The following NUDT4 variants were observed in gnomAD, a reference collection of about 807,000 sequenced individuals.
NUDT4 encodes diphosphoinositol polyphosphate phosphohydrolase 2.
NUDT4 carries 5 observed loss-of-function variants against 23.1 expected under a neutral mutation model. The observed-to-expected ratio is 0.22, with a 90% CI of 0.11 to 0.46. The LOEUF (loss-of-function observed/expected upper bound fraction) is 0.46. NUDT4 is among the 20% of genes least tolerant of loss of function. NUDT4 has a pLI of 0.99. For synonymous variants in NUDT4, 50 were observed against 79.0 expected (o/e 0.63, Z 1.95); for missense variants, 96 against 211.6 (o/e 0.45, Z 3.39).
Position 93,402,747 on chromosome 12 carries a change from TCTTGA to T in NUDT4, c.*3372_*3376del, listed in dbSNP as rs1195806409. The T allele has an allele frequency of 6.6e-6, 1 of 152,170 alleles. No individual in the cohort carries two copies. The highest frequency in any genetic ancestry group is 1.5e-5 in the Non-Finnish European group (1 of 68,038). 9.4% of individuals were successfully genotyped at this position (152,170 alleles called of 1,614,324 possible). ...TGTCATTATTTTAATGAATGTGAGC[TCTTGA>T]CTTACTCTAGAATTCTAATACAGAT... On this transcript the variant is annotated 3_prime_UTR_variant, in exon 5 of 5. Coordinates refer to ENST00000415493, the MANE Select transcript of NUDT4 (RefSeq NM_019094.6).
Position 93,378,432 on chromosome 12 carries a change from C to T in NUDT4, c.99+11C>T. 1.3e-6 allele frequency: 2 copies of T among 1,541,736 alleles called. No individual in the cohort carries two copies. The highest frequency in any genetic ancestry group is 1.2e-5 in the South Asian group (1 of 83,040). On this transcript the variant is annotated intron_variant, in intron 1 of 4. Coordinates refer to ENST00000415493, the MANE Select transcript of NUDT4 (RefSeq NM_019094.6). Reference sequence around the variant, plus strand: ...GAGCAGGAGGACGAGGTAGGGCGCCCGGCGCCGCACGCTGCCCTCCGGGGC... The same window carrying T: ...GAGCAGGAGGACGAGGTAGGGCGCCTGGCGCCGCACGCTGCCCTCCGGGGC...
At chr12:93,393,275 T>C (rs35034534) in intron 1 of NUDT4, among the ~76,000 whole-genome samples, 7,047 of 149,984 alleles carry the variant, frequency 0.047, 178 homozygotes, top group Non-Finnish European at 0.065. Flanking sequence ...CTAATTTTTG[T>C]ATTTTTAGTA....
In NUDT4 at chr12:93,400,212, T is replaced by A. The variant is rs1213545889; in HGVS notation, c.*833T>A. ...TTTGCAGAATACCTTAGAACCGTTA[T>A]TTCCCTCAGTGTAGATTGCTCTTAA... On this transcript the variant is annotated 3_prime_UTR_variant, in exon 5 of 5. Coordinates refer to ENST00000415493, the MANE Select transcript of NUDT4 (RefSeq NM_019094.6). The A allele has an allele frequency of 1.2e-4, 18 of 152,188 alleles. No individual in the cohort carries two copies. The highest frequency in any genetic ancestry group is 4.3e-4 in the African/African-American group (18 of 41,500). 9.4% of individuals were successfully genotyped at this position (152,188 alleles called of 1,614,324 possible).
chr12:93,385,157 T>A (rs1281891993), intron 1 of NUDT4: 1 of 152,194 alleles, frequency 6.6e-6, no homozygotes, highest in Non-Finnish European at 1.5e-5. Flanking sequence ...TCTTCAGCAG[T>A]GCCAGGTGAG....
At chr12:93,392,764 C>T (rs1240372193) in intron 1 of NUDT4, among the ~76,000 whole-genome samples, 7 of 124,888 alleles carry the variant, frequency 5.6e-5, no homozygotes, top group Admixed American at 1.7e-4. Context: ...CTGCAACCTC[C>T]GCCTCCCAGG....
chr12:93,390,078 C>T (rs551215210), intron 1 of NUDT4, among the ~76,000 whole-genome samples: 1 of 152,246 alleles, frequency 6.6e-6, no homozygotes, highest in East Asian at 1.9e-4. Flanking sequence ...AGGACTGCAA[C>T]ATTTTGAATA....
chr12:93,383,543 C>G (rs1449853693), intron 1 of NUDT4, among the ~76,000 whole-genome samples: 1 of 152,298 alleles, frequency 6.6e-6, no homozygotes, highest in South Asian at 2.1e-4. Flanking sequence ...GAAACAGTTT[C>G]TGAGTAGGCC....
rs1045495574 is a variant in NUDT4, at chr12:93,379,583, T to G, written c.99+1162T>G. 3.4e-5 allele frequency among the ~76,000 whole-genome samples: 4 copies of G among 117,472 alleles called. No individual in the cohort carries two copies. In the Admixed American group the frequency reaches 3.6e-4, roughly 10 times the overall value. 77.1% of individuals were successfully genotyped at this position (117,472 alleles called of 152,430 possible). On this transcript the variant is annotated intron_variant, in intron 1 of 4. Coordinates refer to ENST00000415493, the MANE Select transcript of NUDT4 (RefSeq NM_019094.6). ...CCTTCAAACCCTTGTTTTGCCTTTATTTTTTTTTGAAAAGAAACCAAGCCC... is the reference window on the plus strand; with the variant it reads ...CCTTCAAACCCTTGTTTTGCCTTTAGTTTTTTTTGAAAAGAAACCAAGCCC...
At chr12:93,387,477 A>G (rs983432655) in intron 1 of NUDT4, among the ~76,000 whole-genome samples, 1 of 152,150 alleles carries the variant, frequency 6.6e-6, no homozygotes, top group Non-Finnish European at 1.5e-5. Flanking sequence ...CAGGCTTTTT[A>G]ACTTGGTGAA....
At chr12:93,387,594 G>A (rs964254331) in intron 1 of NUDT4, among the ~76,000 whole-genome samples, 13 of 152,166 alleles carry the variant, frequency 8.5e-5, no homozygotes, top group Non-Finnish European at 1.6e-4. Context: ...TCAACCCCTT[G>A]CCTAAAAAGT....
intron 1 of NUDT4, among the ~76,000 whole-genome samples, chr12:93,387,011 G>A (rs1475783868): frequency 6.6e-6 from 1 of 152,066 alleles, no homozygotes; most frequent in East Asian, 1.9e-4. Context: ...TCAGCTCACT[G>A]CAAACCGCCT....
intron 1 of NUDT4, among the ~76,000 whole-genome samples, chr12:93,384,818 G>A (rs937870070): frequency 2.0e-5 from 3 of 151,772 alleles, no homozygotes; most frequent in South Asian, 2.1e-4. Flanking sequence ...GTGCAGAGGC[G>A]TGACCTCAGC....
chr12:93,399,279 C>G lies in NUDT4; in HGVS notation c.443C>G (p.Ser148Cys). ...CTGGAAAAGCTAAAGCTGGGTTGTT[C>G]CCCAGCCAATGGAAATTCTACAGTC... ...EYLEKLKLGC[S>C]PANGNSTVPS... The change falls in exon 5 of 5, where the codon TCC becomes TGC. Residue 148 changes from serine (S) to cysteine (C), a missense_variant. Transcript: ENST00000415493. The G allele has an allele frequency of 8.1e-7, 1 of 1,240,674 alleles. No individual in the cohort carries two copies. Among genetic ancestry groups the G allele is most frequent in the Non-Finnish European group, 1.2e-6 (1 of 843,070 alleles). 76.9% of individuals were successfully genotyped at this position (1,240,674 alleles called of 1,614,324 possible).
intron 1 of NUDT4, among the ~76,000 whole-genome samples, chr12:93,385,941 T>TATATGTA: frequency 9.6e-6 from 1 of 104,608 alleles, no homozygotes; most frequent in East Asian, 3.4e-4. Flanking sequence ...GTAAATCTTT[T>TATATGTA]TATATATATA....
intron 1 of NUDT4, among the ~76,000 whole-genome samples, chr12:93,385,939 T>TATATATATATATA (rs1565777237): frequency 5.4e-5 from 3 of 55,168 alleles, no homozygotes; most frequent in East Asian, 1.8e-3. Flanking sequence ...TAGTAAATCT[T>TATATATATATATA]TTTATATATA....
chr12:93,384,587 T>C (rs1412825250), intron 1 of NUDT4, among the ~76,000 whole-genome samples: 1 of 152,196 alleles, frequency 6.6e-6, no homozygotes, highest in Non-Finnish European at 1.5e-5. Flanking sequence ...TGCAAAAATA[T>C]TTTATAATAT....
At chr12:93,378,450 T>A in intron 1 of NUDT4, 29 bp downstream of exon 1, 1 of 1,526,670 alleles carries the variant, frequency 6.6e-7, no homozygotes, top group Non-Finnish European at 8.8e-7. Flanking sequence ...CACGCTGCCC[T>A]CCGGGGCGCC....
At chr12:93,380,666 T>C (rs1875597025) in intron 1 of NUDT4, among the ~76,000 whole-genome samples, 1 of 152,228 alleles carries the variant, frequency 6.6e-6, no homozygotes, top group African/African-American at 2.4e-5. Context: ...TTTTCATTTC[T>C]GTGATTGTGT....
intron 1 of NUDT4, among the ~76,000 whole-genome samples, chr12:93,388,399 A>G (rs1230786726): frequency 1.3e-5 from 2 of 152,242 alleles, no homozygotes; most frequent in Non-Finnish European, 2.9e-5. Flanking sequence ...TTTGAGGGAA[A>G]GATGTATATT....
Sources: gnomAD v4.1 joint callset for allele counts (sites outside exome capture counted in the v4.1 genomes callset) on GRCh38, gnomAD v4.1.1 for gene constraint, MANE v1.5 for transcripts, NCBI Gene and HGNC (gene_info 2026-07-23, HGNC 2026-07-21) for gene names.